The following FMNL2 variants were observed in gnomAD, a reference collection of about 807,000 sequenced individuals.
FMNL2 encodes formin like 2.
Under a neutral mutation model 130.2 loss-of-function variants are expected in FMNL2, and 51 were observed. The ratio of observed to expected loss-of-function variants is 0.39; its 90% confidence interval spans 0.31 to 0.49. FMNL2 has a LOEUF of 0.49. FMNL2 is among the 20% of genes least tolerant of loss of function. The pLI, the probability that FMNL2 is intolerant of heterozygous loss-of-function variation, is 0.85. For synonymous variants in FMNL2, 465 were observed against 467.1 expected (o/e 1.00, Z 0.06); for missense variants, 977 against 1,316.2 (o/e 0.74, Z 3.99).
intron 6 of FMNL2, among the ~76,000 whole-genome samples, chr2:152,571,499 A>G (rs549210308): frequency 1.3e-5 from 2 of 152,332 alleles, no homozygotes; most frequent in East Asian, 3.9e-4. Flanking sequence ...AAGTTTCATA[A>G]TAGCTTCAGG....
chr2:152,603,282 ACT>A (rs920785448), intron 9 of FMNL2, among the ~76,000 whole-genome samples: 4 of 151,604 alleles, frequency 2.6e-5, no homozygotes, highest in Admixed American at 2.0e-4. Context: ...GAGAGTGGTC[ACT>A]CTGTTGCTTT....
rs530340425 is a variant in FMNL2 at position 152,648,037 on chromosome 2, C to T, written c.*132C>T. The T allele has an allele frequency of 6.3e-6, 5 of 793,854 alleles. No individual in the cohort carries two copies. Among genetic ancestry groups the T allele is most frequent in the African/African-American group, 3.5e-5 (2 of 57,196 alleles). 49.2% of individuals were successfully genotyped at this position (793,854 alleles called of 1,614,324 possible). On this transcript the variant is annotated 3_prime_UTR_variant, in exon 26 of 26. Transcript: ENST00000288670. ...CTTAAGGGCTCAGATTTAGCAAACA[C>T]GGAAGAATTTTAAAATGAGCTCTCC...
At chr2:152,620,550 G>C (rs1559016467) in intron 15 of FMNL2, among the ~76,000 whole-genome samples, 2 of 152,110 alleles carry the variant, frequency 1.3e-5, no homozygotes, top group South Asian at 2.1e-4. Context: ...GGGTAATTCT[G>C]CCTCCTCATT....
intron 9 of FMNL2, among the ~76,000 whole-genome samples, chr2:152,590,007 A>G (rs1463012019): frequency 5.9e-4 from 44 of 75,114 alleles, no homozygotes; most frequent in South Asian, 1.7e-3. Flanking sequence ...GTATATATAT[A>G]TACATATACA....
intron 1 of FMNL2, among the ~76,000 whole-genome samples, chr2:152,478,327 T>G (rs1690284864): frequency 6.9e-6 from 1 of 144,880 alleles, no homozygotes; most frequent in Admixed American, 7.3e-5. Flanking sequence ...CTTGGCTCAC[T>G]CCCGGGTTCA....
intron 8 of FMNL2, among the ~76,000 whole-genome samples, chr2:152,580,274 C>G (rs1348908732): frequency 6.6e-6 from 1 of 152,162 alleles, no homozygotes; most frequent in Non-Finnish European, 1.5e-5. Flanking sequence ...CTGTTTCTTT[C>G]TTGACATTGA....
intron 1 of FMNL2, among the ~76,000 whole-genome samples, chr2:152,447,366 GT>G (rs1390896374): frequency 6.6e-6 from 1 of 152,124 alleles, no homozygotes; most frequent in African/African-American, 2.4e-5. Flanking sequence ...GCTTCCCAAA[GT>G]TTTGGGATTA....
intron 1 of FMNL2, among the ~76,000 whole-genome samples, chr2:152,364,961 T>G (rs1195765937): frequency 6.6e-6 from 1 of 152,246 alleles, no homozygotes; most frequent in Non-Finnish European, 1.5e-5. Flanking sequence ...AAAGTATTTT[T>G]GAAGTCTTTT....
intron 25 of FMNL2, among the ~76,000 whole-genome samples, chr2:152,641,970 T>G (rs540419979): frequency 4.6e-5 from 7 of 151,110 alleles, no homozygotes; most frequent in Non-Finnish European, 7.4e-5. Context: ...TGATGGAGTC[T>G]CATTCTGTTG....
intron 1 of FMNL2, among the ~76,000 whole-genome samples, chr2:152,449,011 T>G (rs1688500413): frequency 6.6e-6 from 1 of 152,212 alleles, no homozygotes; most frequent in Admixed American, 6.5e-5. Flanking sequence ...AATGTCTAAT[T>G]GTCTGTTGGT....
chr2:152,378,937 C>T (rs1684311407), intron 1 of FMNL2, among the ~76,000 whole-genome samples: 1 of 132,152 alleles, frequency 7.6e-6, no homozygotes, highest in South Asian at 2.4e-4. Flanking sequence ...GGAGAACCTA[C>T]TCCAGATATT....
At chr2:152,639,832 A>C in intron 23 of FMNL2, 126 bp from the exon 24 acceptor site, 1 of 777,596 alleles carries the variant, frequency 1.3e-6, no homozygotes, top group Non-Finnish European at 2.1e-6. Context: ...TAAAGTGTAG[A>C]TCTTCTCAAC....
chr2:152,412,199 G>A (rs891759612), intron 1 of FMNL2, among the ~76,000 whole-genome samples: 22 of 151,960 alleles, frequency 1.4e-4, no homozygotes, highest in Middle Eastern at 3.4e-3. Flanking sequence ...TCGAGCACTT[G>A]GCAGGTGGCA....
At chr2:152,385,547 A>T (rs947934199) in intron 1 of FMNL2, among the ~76,000 whole-genome samples, 1 of 152,204 alleles carries the variant, frequency 6.6e-6, no homozygotes, top group South Asian at 2.1e-4. Context: ...TGTCGACCAG[A>T]TGGTCATATA....
intron 1 of FMNL2, among the ~76,000 whole-genome samples, chr2:152,369,022 T>A (rs1338710813): frequency 2.6e-5 from 4 of 152,226 alleles, no homozygotes; most frequent in Non-Finnish European, 5.9e-5. Flanking sequence ...GTGCAAGTTG[T>A]AGCTCTGAAT....
chr2:152,414,678 TAGCTGGAGAGTTCG>T (rs998888681), intron 1 of FMNL2, among the ~76,000 whole-genome samples: 7 of 152,174 alleles, frequency 4.6e-5, no homozygotes, highest in African/African-American at 1.2e-4. Context: ...GAGGCCATTT[TAGCTGGAGAGTTCG>T]AGCTGGAGAG....
intron 5 of FMNL2, among the ~76,000 whole-genome samples, chr2:152,560,434 G>T (rs1481924883): frequency 6.6e-6 from 1 of 152,106 alleles, no homozygotes; most frequent in Non-Finnish European, 1.5e-5. Context: ...ACATATGCTT[G>T]GAAAAGTACA....
chr2:152,383,452 T>C (rs1270824027), intron 1 of FMNL2, among the ~76,000 whole-genome samples: 7 of 151,924 alleles, frequency 4.6e-5, no homozygotes, highest in Admixed American at 4.6e-4. Context: ...TCCGTAAGAG[T>C]AACCTGGCGT....
intron 1 of FMNL2, among the ~76,000 whole-genome samples, chr2:152,442,500 T>C (rs961066237): frequency 2.0e-5 from 3 of 152,044 alleles, no homozygotes; most frequent in Admixed American, 2.0e-4. Flanking sequence ...CCACCCACCT[T>C]GGCCTCCCTA....
Sources: gnomAD v4.1 joint callset for allele counts (sites outside exome capture counted in the v4.1 genomes callset) on GRCh38, gnomAD v4.1.1 for gene constraint, MANE v1.5 for transcripts, NCBI Gene and HGNC (gene_info 2026-07-23, HGNC 2026-07-21) for gene names.